The following KIF5A variants were observed in gnomAD, a reference collection of about 807,000 sequenced individuals.
KIF5A encodes the protein kinesin heavy chain isoform 5A.
Under a neutral mutation model 141.3 loss-of-function variants are expected in KIF5A, and 35 were observed. That is an observed-to-expected ratio of 0.25 (90% CI 0.19 to 0.33). The LOEUF is 0.33. Ranked by LOEUF, KIF5A falls within the 10% of genes least tolerant of loss-of-function variation. The pLI, the probability that KIF5A is intolerant of heterozygous loss-of-function variation, is 1.00. For synonymous variants in KIF5A, 448 were observed against 500.2 expected, an observed-to-expected ratio of 0.90 and a Z score of 1.39; for missense variants, 861 against 1,314.3, an observed-to-expected ratio of 0.66 and a Z score of 5.33.
intron 1 of KIF5A, among the ~76,000 whole-genome samples, chr12:57,553,793 A>C (rs1881650081): frequency 6.6e-6 from 1 of 152,162 alleles, no homozygotes; most frequent in Admixed American, 6.6e-5. Flanking sequence ...AAATTAAAAG[A>C]GAACAAAGAA....
chr12:57,566,409 A>C (rs1201032724), intron 6 of KIF5A, among the ~76,000 whole-genome samples: 1 of 144,088 alleles, frequency 6.9e-6, no homozygotes, highest in Non-Finnish European at 1.5e-5. Context: ...TGGCTGCGAC[A>C]GTGTTTTTTT....
At chr12:57,568,334 TCA>T (rs919775504) in intron 8 of KIF5A, among the ~76,000 whole-genome samples, 6 of 152,212 alleles carry the variant, frequency 3.9e-5, no homozygotes, top group Admixed American at 2.0e-4. Context: ...CATCTTCTAT[TCA>T]CAGTCACTCT....
At chr12:57,568,388 C>T (rs943695505) in intron 8 of KIF5A, among the ~76,000 whole-genome samples, 5 of 152,142 alleles carry the variant, frequency 3.3e-5, no homozygotes, top group African/African-American at 1.2e-4. Context: ...TTCTAATCTA[C>T]TTTCTGTCTC....
Position 57,583,196 on chromosome 12 carries a change from C to A in KIF5A, c.*17C>A. ...GCCAGCTAATCTCCCACACCCACGG[C>A]TGCATACCTGCACTTTCAGGTAGCG... On this transcript the variant is annotated 3_prime_UTR_variant, in exon 28 of 29. Coordinates refer to ENST00000455537, the MANE Select transcript of KIF5A (RefSeq NM_004984.4). 1 of 1,609,236 alleles carries A rather than the reference C, an allele frequency of 6.2e-7. No homozygotes were observed. Among genetic ancestry groups the A allele is most frequent in the Non-Finnish European group, 8.5e-7 (1 of 1,176,556 alleles).
intron 20 of KIF5A, among the ~76,000 whole-genome samples, chr12:57,577,064 C>T (rs935539671): frequency 6.6e-6 from 1 of 152,100 alleles, no homozygotes; most frequent in Non-Finnish European, 1.5e-5. Flanking sequence ...AGGAGGTTTA[C>T]GTGTTCTATT....
At chr12:57,582,730 A>G (rs2140172755) in intron 27 of KIF5A, 101 bp downstream of exon 27, 3 of 969,838 alleles carry the variant, frequency 3.1e-6, no homozygotes, top group Non-Finnish European at 5.1e-6. Context: ...GCCTTTGGGG[A>G]AGGGGGAGGG....
chr12:57,577,628 A>G (rs1307071983), intron 20 of KIF5A, 85 bp from the exon 21 acceptor site: 4 of 994,548 alleles, frequency 4.0e-6, no homozygotes, highest in East Asian at 4.9e-5. Context: ...TAATACTTAA[A>G]TGGAGATAAA....
chr12:57,581,673 A>G, intron 25 of KIF5A, 105 bp downstream of exon 25: 3 of 1,396,266 alleles, frequency 2.1e-6, no homozygotes, highest in Non-Finnish European at 3.0e-6. Context: ...ATTTTCCTAA[A>G]CCCTTTCTCA....
At position 57,570,082 on chromosome 12, in the gene KIF5A, A is replaced by G. The variant is rs1313023330; in HGVS notation, c.1213A>G (p.Ile405Val). Residue 405 changes from isoleucine to valine, a missense_variant, in exon 12 of 29, where the codon ATC becomes GTC. Ile to Val is a conservative substitution (Grantham distance 29). Around this residue, in one of 5 missense-constraint regions of KIF5A, gnomAD observed 167 missense variants for 192.0 expected, o/e 0.87. Coordinates refer to ENST00000455537, the MANE Select transcript of KIF5A (RefSeq NM_004984.4). ...EETPVNDNSS[I>V]VVRIAPEERQ... ...GACCCCTGTGAATGACAACTCATCC[A>G]TCGTGGTGCGCATCGCGCCCGAGGA... The G allele has an allele frequency of 6.2e-7, 1 of 1,614,218 alleles. No homozygotes were observed. The highest frequency in any genetic ancestry group is 8.5e-7 in the Non-Finnish European group (1 of 1,180,034).
Position 57,577,737 on chromosome 12 carries a change from G to A in KIF5A, c.2325G>A (p.Gln775=). The change falls in exon 21 of 29, where the codon CAG becomes CAA. Residue 775 remains glutamine, a synonymous_variant. Transcript: ENST00000455537. ...ELTFLYERHE[Q]SKQDLKGLEE... is the part of the protein sequence containing the mutation. The stretch of plus-strand genomic sequence containing the variant: ...GATTTCTGTACGAGCGACATGAGCA[G>A]TCCAAGCAGGACCTCAAGGGTCTGG... The A allele has an allele frequency of 6.2e-7, 1 of 1,614,060 alleles. No individual in the cohort carries two copies. The highest frequency in any genetic ancestry group is 1.1e-5 in the South Asian group (1 of 91,074).
intron 1 of KIF5A, among the ~76,000 whole-genome samples, chr12:57,562,167 A>G (rs1259958020): frequency 6.6e-6 from 1 of 152,208 alleles, no homozygotes; most frequent in East Asian, 1.9e-4. Context: ...TGTGATTTAC[A>G]ACATATTCCT....
Position 57,576,863 on chromosome 12 carries a change from G to C in KIF5A, c.2300+1G>C. On this transcript the variant is annotated splice_donor_variant, in intron 20 of 28. Coordinates refer to ENST00000455537, the MANE Select transcript of KIF5A (RefSeq NM_004984.4). LOFTEE classifies it high-confidence loss of function. ...AGAGCACCAAGCTGCAGGAGCTGAC[G>C]TGAGTGGCATGGATTTACCTGTAAA... The C allele has an allele frequency of 6.2e-7, 1 of 1,610,340 alleles. No homozygotes were observed. The highest frequency in any genetic ancestry group is 8.5e-7 in the Non-Finnish European group (1 of 1,176,862).
intron 23 of KIF5A, among the ~76,000 whole-genome samples, chr12:57,579,067 T>C (rs1033091706): frequency 6.6e-5 from 10 of 150,464 alleles, no homozygotes; most frequent in African/African-American, 2.4e-4. Flanking sequence ...CTGTTTCAAT[T>C]AAAAAAAAAT....
At chr12:57,580,274 T>C (rs1882556292) in intron 23 of KIF5A, among the ~76,000 whole-genome samples, 1 of 152,174 alleles carries the variant, frequency 6.6e-6, no homozygotes, top group South Asian at 2.1e-4. Flanking sequence ...TGCAGGGTGG[T>C]TGCTCCCATG....
At chr12:57,555,044 G>A (rs991339506) in intron 1 of KIF5A, among the ~76,000 whole-genome samples, 1 of 152,160 alleles carries the variant, frequency 6.6e-6, no homozygotes, top group Non-Finnish European at 1.5e-5. Context: ...GATTTAAAGG[G>A]AATCCCTGCC....
At position 57,550,467 on chromosome 12, in the gene KIF5A, G is replaced by A. The variant is rs1881535782; in HGVS notation, c.129+67G>A. On this transcript the variant is annotated intron_variant, in intron 1 of 28. Coordinates refer to ENST00000455537, the MANE Select transcript of KIF5A (RefSeq NM_004984.4). This position sits in a 1 kb window ranked among gnomAD's most constrained non-coding sequence, Gnocchi z 4.6. ...GCTGAATCTCCCCGCCCCCCGCAGA[G>A]CCTTAGTCTCTGCTGGTCCCTTTGC... 1 of 1,560,454 alleles carries A rather than the reference G, an allele frequency of 6.4e-7. No homozygotes were observed. The highest frequency in any genetic ancestry group is 1.4e-5 in the African/African-American group (1 of 73,968).
rs199528922 is a variant in KIF5A, at chr12:57,573,191, A to AAAAAC, written c.1716+481_1716+485dup. On this transcript the variant is annotated intron_variant, in intron 15 of 28. Coordinates refer to ENST00000455537, the MANE Select transcript of KIF5A (RefSeq NM_004984.4). ...GGGTTATAGAGTGAGACTCTGCCTT[A>AAAAAC]AAAACAAAACAAAACAAAACTAAAT... 3.2e-3 allele frequency among the ~76,000 whole-genome samples: 480 copies of AAAAAC among 152,260 alleles called. 18 individuals are homozygous for AAAAAC. The East Asian group carries it at 0.069, about 22-fold the overall frequency.
rs564198012 is a variant in KIF5A at position 57,572,987 on chromosome 12, C to T, written c.1716+261C>T. Among the ~76,000 whole-genome samples, 6 of 152,238 alleles carry T rather than the reference C, an allele frequency of 3.9e-5. No individual in the cohort carries two copies. Among genetic ancestry groups the T allele is most frequent in the Admixed American group, 2.6e-4 (4 of 15,300 alleles). ...GGCGGATCACTTGAGGTCAGGAGTT[C>T]GAGACCTGACCTCGCCAACATGGCG... On this transcript the variant is annotated intron_variant, in intron 15 of 28. Coordinates refer to ENST00000455537, the MANE Select transcript of KIF5A (RefSeq NM_004984.4). The surrounding 1 kb of genome is among the most constrained non-coding windows in gnomAD (Gnocchi z 4.2).
intron 1 of KIF5A, among the ~76,000 whole-genome samples, chr12:57,559,233 GAA>G (rs1451611064): frequency 3.3e-5 from 5 of 152,124 alleles, no homozygotes; most frequent in Non-Finnish European, 7.4e-5. Context: ...TAAATTTTTC[GAA>G]GTGGAGGTCA....
Sources: gnomAD v4.1 joint callset for allele counts (sites outside exome capture counted in the v4.1 genomes callset) on GRCh38, gnomAD v4.1.1 for gene constraint, gnomAD v4.1.1 regional missense constraint, Gnocchi (gnomAD v3.1) non-coding constraint, MANE v1.5 for transcripts, NCBI Gene and HGNC (gene_info 2026-07-23, HGNC 2026-07-21) for gene names.